Variants in GRIA1 observed in about 807,000 individuals in gnomAD.
The protein encoded by GRIA1 is glutamate receptor 1.
Under a neutral mutation model 99.2 loss-of-function variants are expected in GRIA1, and 31 were observed. The ratio of observed to expected loss-of-function variants is 0.31; its 90% CI spans 0.23 to 0.42. GRIA1 has a LOEUF of 0.42. Ranked by LOEUF, GRIA1 falls within the 10% of genes least tolerant of loss-of-function variation. The pLI, the probability that GRIA1 is intolerant of heterozygous loss-of-function variation, is 1.00. For missense variants in GRIA1, 782 were observed against 1,157.5 expected, an observed-to-expected ratio of 0.68 and a Z score of 4.71; for synonymous variants, 438 against 432.4, an observed-to-expected ratio of 1.01 and a Z score of -0.16.
In GRIA1 at chr5:153,665,337, G is replaced by T. The variant is rs553308502; in HGVS notation, c.700-9163G>T. 4.3e-4 allele frequency among the ~76,000 whole-genome samples: 65 copies of T among 152,318 alleles called. 1 individual carries two copies. The highest frequency in any genetic ancestry group is 2.4e-3 in the Admixed American group (36 of 15,310). ...GGTGTGTTTGCAGATATCCAAGTGT[G>T]CCTCCCTGGTTCCAAATGTAACTGG... On this transcript the variant is annotated intron_variant, in intron 5 of 15. Transcript: ENST00000285900.
chr5:153,628,022 C>T (rs2149431772), intron 2 of GRIA1, among the ~76,000 whole-genome samples: 1 of 152,268 alleles, frequency 6.6e-6, no homozygotes, highest in South Asian at 2.1e-4. Context: ...ATGCTGAGTG[C>T]CATAACAAAC....
chr5:153,753,236 G>C (rs750812321), intron 11 of GRIA1, among the ~76,000 whole-genome samples: 2 of 152,188 alleles, frequency 1.3e-5, no homozygotes, highest in African/African-American at 2.4e-5. Context: ...TGCTGTGTTT[G>C]TGTCATTGTG....
chr5:153,738,097 A>G (rs1295402824), intron 11 of GRIA1, among the ~76,000 whole-genome samples: 1 of 152,216 alleles, frequency 6.6e-6, no homozygotes, highest in Non-Finnish European at 1.5e-5. Flanking sequence ...AGAGACACAG[A>G]CCAAGAACCC....
At chr5:153,774,598 C>A (rs1764102622) in intron 13 of GRIA1, among the ~76,000 whole-genome samples, 1 of 152,180 alleles carries the variant, frequency 6.6e-6, no homozygotes, top group African/African-American at 2.4e-5. Context: ...AAGAGAGGAC[C>A]TTTCTGGCTG....
At chr5:153,505,176 T>G (rs1755376269) in intron 2 of GRIA1, among the ~76,000 whole-genome samples, 1 of 152,180 alleles carries the variant, frequency 6.6e-6, no homozygotes, top group South Asian at 2.1e-4. Flanking sequence ...GGGACTGATA[T>G]CCTAAGACTA....
chr5:153,535,365 C>A (rs1480540524), intron 2 of GRIA1, among the ~76,000 whole-genome samples: 1 of 152,176 alleles, frequency 6.6e-6, no homozygotes, highest in Non-Finnish European at 1.5e-5. Context: ...GTTGTTTATT[C>A]AATTGCAAAT....
chr5:153,775,069 T>C (rs1271797073), intron 13 of GRIA1, among the ~76,000 whole-genome samples: 1 of 152,208 alleles, frequency 6.6e-6, no homozygotes, highest in African/African-American at 2.4e-5. Context: ...CCAACGTCAC[T>C]CACTAGGGAA....
chr5:153,567,649 T>C (rs747740362), intron 2 of GRIA1, among the ~76,000 whole-genome samples: 1 of 152,130 alleles, frequency 6.6e-6, no homozygotes, highest in Admixed American at 6.5e-5. Context: ...CTCAGATTAA[T>C]AGTTGAGAAA....
intron 2 of GRIA1, among the ~76,000 whole-genome samples, chr5:153,637,102 A>C (rs1452539013): frequency 6.6e-6 from 1 of 152,228 alleles, no homozygotes; most frequent in African/African-American, 2.4e-5. Flanking sequence ...CAAGAATAGA[A>C]TTTGGAACAT....
At chr5:153,548,676 A>G (rs1411897760) in intron 2 of GRIA1, among the ~76,000 whole-genome samples, 1 of 152,218 alleles carries the variant, frequency 6.6e-6, no homozygotes, top group Non-Finnish European at 1.5e-5. Flanking sequence ...TATGAGGGAT[A>G]CATGTTTATC....
At chr5:153,687,884 C>T (rs1581471739) in intron 8 of GRIA1, among the ~76,000 whole-genome samples, 1 of 152,320 alleles carries the variant, frequency 6.6e-6, no homozygotes, top group Middle Eastern at 3.4e-3. Flanking sequence ...TAAAACAACA[C>T]AGATTTATCA....
chr5:153,507,972 T>C (rs1047518230), intron 2 of GRIA1, among the ~76,000 whole-genome samples: 1 of 152,186 alleles, frequency 6.6e-6, no homozygotes, highest in Non-Finnish European at 1.5e-5. Context: ...CTCTACCACA[T>C]TGAGCACCCA....
chr5:153,566,739 G>A (rs1214342086), intron 2 of GRIA1, among the ~76,000 whole-genome samples: 5 of 96,642 alleles, frequency 5.2e-5, no homozygotes, highest in African/African-American at 1.8e-4. Context: ...TTTTTGAGAC[G>A]GAGTTTTGCT....
intron 13 of GRIA1, among the ~76,000 whole-genome samples, chr5:153,784,146 G>A (rs1764816940): frequency 6.6e-6 from 1 of 152,072 alleles, no homozygotes. Context: ...TTTACAAATG[G>A]GAAAACTGAG....
At chr5:153,801,297 G>A (rs1336525752) in intron 14 of GRIA1, among the ~76,000 whole-genome samples, 1 of 142,958 alleles carries the variant, frequency 7.0e-6, no homozygotes, top group Non-Finnish European at 1.5e-5. Context: ...CCTTCCTCTG[G>A]CTCCACAGGG....
intron 2 of GRIA1, among the ~76,000 whole-genome samples, chr5:153,519,454 T>G (rs892146247): frequency 5.3e-5 from 8 of 151,634 alleles, no homozygotes; most frequent in African/African-American, 1.9e-4. Flanking sequence ...TCAGACTAGA[T>G]CAGAGTCTGA....
At chr5:153,562,471 G>A (rs1034389538) in intron 2 of GRIA1, among the ~76,000 whole-genome samples, 2 of 152,166 alleles carry the variant, frequency 1.3e-5, no homozygotes, top group East Asian at 1.9e-4. Context: ...AACAGGTCTT[G>A]CAAGATGCAT....
chr5:153,771,898 AG>A (rs1375430270), intron 13 of GRIA1, among the ~76,000 whole-genome samples: 1 of 151,526 alleles, frequency 6.6e-6, no homozygotes, highest in Non-Finnish European at 1.5e-5. Context: ...GAGGTGGGGG[AG>A]GGGGGAATCA....
At chr5:153,678,005 G>A (rs1353988781) in intron 7 of GRIA1, among the ~76,000 whole-genome samples, 1 of 152,172 alleles carries the variant, frequency 6.6e-6, no homozygotes. Flanking sequence ...ACAGGGAGAG[G>A]ATGGCCGTGC....
Sources: gnomAD v4.1 joint callset for allele counts (sites outside exome capture counted in the v4.1 genomes callset) on GRCh38, gnomAD v4.1.1 for gene constraint, MANE v1.5 for transcripts, NCBI Gene and HGNC (gene_info 2026-07-23, HGNC 2026-07-21) for gene names.